Variants in PLEKHG7 observed in about 807,000 individuals in gnomAD.
PLEKHG7 encodes the protein pleckstrin homology and RhoGEF domain containing G7.
In PLEKHG7, 77 loss-of-function variants were observed where a neutral mutation model predicts 85.2. The observed-to-expected ratio is 0.90, with a 90% CI of 0.75 to 1.09. The LOEUF is 1.09. Ranked by LOEUF, PLEKHG7 falls within the 50% of genes least tolerant of loss-of-function variation. PLEKHG7 has a pLI of 0.00. For synonymous variants in PLEKHG7, 301 were observed against 302.4 expected, an observed-to-expected ratio of 1.00 and a Z score of 0.05; for missense variants, 777 against 804.3, an observed-to-expected ratio of 0.97 and a Z score of 0.41.
At chr12:92,737,726 AAGG>A (rs1472947122) in intron 7 of PLEKHG7, among the ~76,000 whole-genome samples, 1 of 109,620 alleles carries the variant, frequency 9.1e-6, no homozygotes, top group Non-Finnish European at 1.8e-5. Context: ...GGAGGGAAGG[AAGG>A]AGGGAGGAAG....
rs1441349780 is a variant in PLEKHG7, at chr12:92,706,598, G to A, written c.-34G>A. ...AGAACAGCAACTCATACGTCTTCTG[G>A]AACCTTCTACCAACAGTAGAACCTC... On this transcript the variant is annotated 5_prime_UTR_variant, in exon 2 of 17. Coordinates refer to ENST00000344636, the MANE Select transcript of PLEKHG7 (RefSeq NM_001377329.1). 1 of 1,551,636 alleles carries A rather than the reference G, an allele frequency of 6.4e-7. No individual in the cohort carries two copies. Among genetic ancestry groups the A allele is most frequent in the East Asian group, 2.3e-5 (1 of 44,262 alleles).
chr12:92,721,078 G>A (rs918640246), intron 3 of PLEKHG7, among the ~76,000 whole-genome samples: 14 of 152,126 alleles, frequency 9.2e-5, no homozygotes, highest in African/African-American at 3.4e-4. Flanking sequence ...CCACTACATA[G>A]GGTGCTTGTG....
Position 92,761,771 on chromosome 12 carries a change from T to A in PLEKHG7, c.1656T>A (p.Asp552Glu). ...CCTCAGAAAGCACGAGATTCCTAGATGTTTATCTGTTTCTCTTCAATGATT... is the reference window on the plus strand; with the variant it reads ...CCTCAGAAAGCACGAGATTCCTAGAAGTTTATCTGTTTCTCTTCAATGATT... Reference protein sequence around the residue: ...LTLAESTRFLDVYLFLFNDFL... With the variant: ...LTLAESTRFLEVYLFLFNDFL... The change falls in exon 14 of 17, where the codon GAT (aspartate) becomes GAA (glutamate). Residue 552 changes from aspartate (D) to glutamate (E), a missense_variant. By Grantham distance (45) the Asp-to-Glu change is conservative. Transcript: ENST00000344636. The A allele has an allele frequency of 6.3e-7, 1 of 1,577,538 alleles. No homozygotes were observed. Among genetic ancestry groups the A allele is most frequent in the Non-Finnish European group, 8.6e-7 (1 of 1,167,486 alleles).
intron 14 of PLEKHG7, among the ~76,000 whole-genome samples, chr12:92,763,232 A>G (rs951483825): frequency 8.5e-5 from 13 of 152,204 alleles, no homozygotes; most frequent in African/African-American, 1.2e-4. Context: ...CATGCAGGTC[A>G]CAATTTTTAA....
intron 3 of PLEKHG7, among the ~76,000 whole-genome samples, chr12:92,722,900 A>G (rs968352133): frequency 2.2e-4 from 33 of 152,218 alleles, no homozygotes; most frequent in African/African-American, 7.7e-4. Flanking sequence ...GATATATAAG[A>G]TCCAGTATGA....
intron 10 of PLEKHG7, among the ~76,000 whole-genome samples, chr12:92,750,875 G>A (rs891650008): frequency 5.3e-5 from 8 of 152,122 alleles, no homozygotes; most frequent in African/African-American, 1.4e-4. Flanking sequence ...TGGAGTCTGA[G>A]GTTGCAGTCA....
chr12:92,707,492 G>A, intron 2 of PLEKHG7, 158 bp from the exon 3 acceptor site: 1 of 1,458,230 alleles, frequency 6.9e-7, no homozygotes, highest in Non-Finnish European at 9.0e-7. Context: ...TGATTTAAAA[G>A]GGGAGAAAGA....
intron 15 of PLEKHG7, among the ~76,000 whole-genome samples, chr12:92,765,325 TAAAAAAAAA>T (rs59974651): frequency 7.8e-6 from 1 of 128,922 alleles, no homozygotes; most frequent in African/African-American, 2.9e-5. Flanking sequence ...AGTCTCTTAT[TAAAAAAAAA>T]AAAAAAAAAA....
chr12:92,736,396 A>G, intron 5 of PLEKHG7, 86 bp from the exon 6 acceptor site: 1 of 769,506 alleles, frequency 1.3e-6, no homozygotes, highest in Non-Finnish European at 1.8e-6. Flanking sequence ...AATGTTAGGG[A>G]ATGAACGAAA....
chr12:92,725,992 T>C (rs150047681), intron 3 of PLEKHG7, among the ~76,000 whole-genome samples: 36 of 152,284 alleles, frequency 2.4e-4, no homozygotes, highest in African/African-American at 8.7e-4. Context: ...TTATAATTAA[T>C]TCCACAGGAT....
intron 10 of PLEKHG7, among the ~76,000 whole-genome samples, chr12:92,753,537 C>T (rs1872747177): frequency 6.6e-6 from 1 of 152,146 alleles, no homozygotes; most frequent in South Asian, 2.1e-4. Context: ...TCCAAACTCT[C>T]CCTATTGAAA....
chr12:92,744,543 A>G (rs1360725846), intron 9 of PLEKHG7, among the ~76,000 whole-genome samples: 1 of 152,190 alleles, frequency 6.6e-6, no homozygotes, highest in Non-Finnish European at 1.5e-5. Flanking sequence ...CATTATAGCA[A>G]GTTTAAGACA....
intron 1 of PLEKHG7, among the ~76,000 whole-genome samples, chr12:92,705,647 T>C (rs920003980): frequency 6.6e-6 from 1 of 152,218 alleles, no homozygotes; most frequent in African/African-American, 2.4e-5. Flanking sequence ...CTCTCGCCTG[T>C]CCCACAGTCC....
chr12:92,756,400 C>A lies in PLEKHG7; in HGVS notation c.1636+9C>A. The A allele has an allele frequency of 6.3e-7, 1 of 1,596,110 alleles. No individual in the cohort carries two copies. The highest frequency in any genetic ancestry group is 1.1e-5 in the South Asian group (1 of 90,474). Reference sequence around the variant, plus strand: ...AAAATTAACTCTTGCAGGTAAATAACTGCTTCCTTTAAAAAACCCAACATC... The same window carrying A: ...AAAATTAACTCTTGCAGGTAAATAAATGCTTCCTTTAAAAAACCCAACATC... On this transcript the variant is annotated intron_variant, in intron 13 of 16. Coordinates refer to ENST00000344636, the MANE Select transcript of PLEKHG7 (RefSeq NM_001377329.1).
rs562764661 is a variant in PLEKHG7, at chr12:92,730,448, C to A, written c.658+1328C>A. ...AGAAATGCAGATTCCAGGCTGCCCACCCCCAAGACCTTCTGAATCAGAAAC... is the reference window on the plus strand; with the variant it reads ...AGAAATGCAGATTCCAGGCTGCCCAACCCCAAGACCTTCTGAATCAGAAAC... On this transcript the variant is annotated intron_variant, in intron 4 of 16. Transcript: ENST00000344636. Among the ~76,000 whole-genome samples the A allele has an allele frequency of 7.2e-5, 11 of 152,352 alleles. No individual in the cohort carries two copies. The East Asian group carries it at 1.5e-3, about 21-fold the overall frequency.
intron 6 of PLEKHG7, among the ~76,000 whole-genome samples, chr12:92,736,798 G>T (rs951889268): frequency 6.6e-6 from 1 of 152,172 alleles, no homozygotes; most frequent in African/African-American, 2.4e-5. Flanking sequence ...ACAAATGTGA[G>T]AGCACTTCAT....
At chr12:92,741,826 A>C (rs1872366053) in intron 9 of PLEKHG7, among the ~76,000 whole-genome samples, 2 of 152,260 alleles carry the variant, frequency 1.3e-5, no homozygotes, top group African/African-American at 4.8e-5. Context: ...ATCTGCATGC[A>C]TAGAAAAGCC....
chr12:92,711,258 A>G (rs1871362504), intron 3 of PLEKHG7, among the ~76,000 whole-genome samples: 1 of 152,188 alleles, frequency 6.6e-6, no homozygotes, highest in Non-Finnish European at 1.5e-5. Flanking sequence ...CATATTGTGC[A>G]GAATAATCTG....
chr12:92,756,528 A>G (rs1012229175), intron 13 of PLEKHG7, 137 bp downstream of exon 13: 28 of 694,374 alleles, frequency 4.0e-5, no homozygotes, highest in Admixed American at 2.8e-4. Flanking sequence ...GAGAGTCCCT[A>G]TGGAGTCACA....
Sources: gnomAD v4.1 joint callset for allele counts (sites outside exome capture counted in the v4.1 genomes callset) on GRCh38, gnomAD v4.1.1 for gene constraint, MANE v1.5 for transcripts, NCBI Gene and HGNC (gene_info 2026-07-23, HGNC 2026-07-21) for gene names.